The following ZYG11B variants were observed in gnomAD, a reference collection of about 807,000 sequenced individuals.
ZYG11B encodes protein zyg-11 homolog B.
Under a neutral mutation model 82.4 loss-of-function variants are expected in ZYG11B, and 36 were observed. The ratio of observed to expected loss-of-function variants is 0.44; its 90% CI spans 0.33 to 0.58. The LOEUF (loss-of-function observed/expected upper bound fraction) is 0.58, where lower values mean the gene tolerates loss of function less well. ZYG11B is among the 20% of genes least tolerant of loss of function. ZYG11B has a pLI of 0.02. For synonymous variants in ZYG11B, 303 were observed against 312.8 expected, an observed-to-expected ratio of 0.97 and a Z score of 0.33; for missense variants, 552 against 895.6, an observed-to-expected ratio of 0.62 and a Z score of 4.90.
chr1:52,788,959 T>TA (rs1193433188), intron 5 of ZYG11B, among the ~76,000 whole-genome samples: 6 of 152,176 alleles, frequency 3.9e-5, no homozygotes, highest in Admixed American at 3.9e-4. Flanking sequence ...GGAGGAAAGT[T>TA]ATGCCACTAA....
intron 4 of ZYG11B, among the ~76,000 whole-genome samples, chr1:52,783,790 A>G (rs1384105478): frequency 1.7e-5 from 1 of 58,038 alleles, no homozygotes; most frequent in Non-Finnish European, 3.0e-5. Flanking sequence ...GCCCAGCTTT[A>G]TATATATATA....
At chr1:52,746,679 C>CG in intron 1 of ZYG11B, among the ~76,000 whole-genome samples, 1 of 75,894 alleles carries the variant, frequency 1.3e-5, no homozygotes, top group African/African-American at 4.8e-5. Flanking sequence ...AAATAAAGAT[C>CG]GGCCACTGTT....
chr1:52,782,521 TG>T (rs1644865245), intron 4 of ZYG11B, among the ~76,000 whole-genome samples: 1 of 152,120 alleles, frequency 6.6e-6, no homozygotes, highest in South Asian at 2.1e-4. Context: ...CTCGAATGGC[TG>T]GGAGTATAGG....
At chr1:52,797,000 TA>T (rs1645018886) in intron 8 of ZYG11B, among the ~76,000 whole-genome samples, 1 of 57,780 alleles carries the variant, frequency 1.7e-5, no homozygotes, top group Admixed American at 3.4e-4. Flanking sequence ...TTTATATAAA[TA>T]TATTATATAT....
At chr1:52,761,494 A>C (rs1433047643) in intron 2 of ZYG11B, among the ~76,000 whole-genome samples, 2 of 152,202 alleles carry the variant, frequency 1.3e-5, no homozygotes, top group East Asian at 3.9e-4. Flanking sequence ...AGTTTCATTC[A>C]TTTTGCTGTG....
At position 52,821,835 on chromosome 1, in the gene ZYG11B, CCTTT is replaced by C; in HGVS notation, c.*207_*210del. Reference sequence around the variant, plus strand: ...ACTTATGAGTCAAGAAGGGTCTCTTCCTTTATCATTGCCTTTTAGGAAATTTTCC... The same window carrying C: ...ACTTATGAGTCAAGAAGGGTCTCTTCATCATTGCCTTTTAGGAAATTTTCC... On this transcript the variant is annotated 3_prime_UTR_variant, in exon 14 of 14. Coordinates refer to ENST00000294353, the MANE Select transcript of ZYG11B (RefSeq NM_024646.3). 3 of 418,182 alleles carry C rather than the reference CCTTT, an allele frequency of 7.2e-6. No individual in the cohort carries two copies. The South Asian group carries it at 3.1e-4, about 44-fold the overall frequency. The allele number at this position is 418,182 out of a possible 1,614,324, so 25.9% of individuals were successfully genotyped here.
At chr1:52,783,808 A>C (rs1284922863) in intron 4 of ZYG11B, among the ~76,000 whole-genome samples, 1 of 146,604 alleles carries the variant, frequency 6.8e-6, no homozygotes, top group African/African-American at 2.5e-5. Flanking sequence ...ATATATATAC[A>C]CACACACGTA....
At chr1:52,738,037 G>C (rs531120755) in intron 1 of ZYG11B, among the ~76,000 whole-genome samples, 1 of 152,314 alleles carries the variant, frequency 6.6e-6, no homozygotes, top group South Asian at 2.1e-4. Flanking sequence ...CTGATTTTGA[G>C]ATGAATTGCG....
In ZYG11B at chr1:52,814,112, CCAG is replaced by C. The variant is rs763013268; in HGVS notation, c.1946+201_1946+203del. ...CTTGGCTCACTGCAACCTCCACCTC[CCAG>C]GTTGAAGCAATTCCCCTGCCTCAGC... On this transcript the variant is annotated intron_variant, in intron 12 of 13. Transcript: ENST00000294353. Among the ~76,000 whole-genome samples, 194 of 152,198 alleles carry C rather than the reference CCAG, an allele frequency of 1.3e-3. 1 individual carries two copies. Among genetic ancestry groups the C allele is most frequent in the Non-Finnish European group, 2.1e-3 (146 of 67,994 alleles).
intron 4 of ZYG11B, among the ~76,000 whole-genome samples, chr1:52,781,379 G>A (rs1169172466): frequency 2.6e-5 from 4 of 152,080 alleles, no homozygotes; most frequent in African/African-American, 7.2e-5. Flanking sequence ...CGCACCTGTA[G>A]TCCCAGCTAC....
chr1:52,727,157 C>T (rs775076718), intron 1 of ZYG11B, among the ~76,000 whole-genome samples: 3 of 151,936 alleles, frequency 2.0e-5, no homozygotes, highest in Non-Finnish European at 2.9e-5. Flanking sequence ...CCCCTTCGTC[C>T]TCTTCCATCC....
intron 4 of ZYG11B, among the ~76,000 whole-genome samples, chr1:52,783,838 A>ATGTACATACACGTGTGCG (rs1644880181): frequency 2.1e-4 from 21 of 101,774 alleles, no homozygotes; most frequent in East Asian, 1.0e-3. Flanking sequence ...ATACGTGTGT[A>ATGTACATACACGTGTGCG]TATGTACATA....
intron 4 of ZYG11B, among the ~76,000 whole-genome samples, chr1:52,784,453 G>T (rs1164738437): frequency 1.3e-5 from 2 of 152,212 alleles, no homozygotes; most frequent in Non-Finnish European, 2.9e-5. Context: ...AGAAATAGTT[G>T]TCTAGGCCAG....
At chr1:52,757,016 C>T (rs977104526) in intron 2 of ZYG11B, among the ~76,000 whole-genome samples, 2 of 149,268 alleles carry the variant, frequency 1.3e-5, no homozygotes, top group East Asian at 2.0e-4. Context: ...ATGGGGCAAA[C>T]GTTTTTTGAC....
chr1:52,803,309 T>G lies in ZYG11B; in HGVS notation c.1695+1170T>G, dbSNP rs181093824. Among the ~76,000 whole-genome samples, 990 of 137,086 alleles carry G rather than the reference T, an allele frequency of 7.2e-3. 41 individuals carry two copies. Among genetic ancestry groups the G allele is most frequent in the African/African-American group, 0.027 (964 of 35,948 alleles). 89.9% of individuals were successfully genotyped at this position (137,086 alleles called of 152,430 possible). ...ATATATATATATATACACATATATA[T>G]ACATATAATCCCATCTACTTGGGAG... On this transcript the variant is annotated intron_variant, in intron 10 of 13. Transcript: ENST00000294353.
intron 2 of ZYG11B, among the ~76,000 whole-genome samples, chr1:52,769,784 G>T (rs927833624): frequency 1.3e-5 from 2 of 152,112 alleles, no homozygotes; most frequent in African/African-American, 4.8e-5. Flanking sequence ...CTAAGATGCC[G>T]CCTTAGAGTT....
Position 52,776,229 on chromosome 1 carries a change from A to AATATATATAT in ZYG11B, c.952-3617_952-3608dup, listed in dbSNP as rs1293809937. 5.2e-3 allele frequency among the ~76,000 whole-genome samples: 122 copies of AATATATATAT among 23,520 alleles called. 21 individuals are homozygous for AATATATATAT. Among genetic ancestry groups the AATATATATAT allele is most frequent in the Middle Eastern group, 0.033 (1 of 30 alleles). 15.4% of individuals were successfully genotyped at this position (23,520 alleles called of 152,430 possible). On this transcript the variant is annotated intron_variant, in intron 3 of 13. Coordinates refer to ENST00000294353, the MANE Select transcript of ZYG11B (RefSeq NM_024646.3). Reference sequence around the variant, plus strand: ...AGCAAAACTCTGTCTTAAAAAAAAAAATATATATATATATATGCAATAAAG... The same window carrying AATATATATAT: ...AGCAAAACTCTGTCTTAAAAAAAAAAATATATATATATATATATATATATATGCAATAAAG...
chr1:52,765,341 C>A (rs114799407), intron 2 of ZYG11B, among the ~76,000 whole-genome samples: 2,566 of 151,934 alleles, frequency 0.017, 84 homozygotes, highest in African/African-American at 0.058. Flanking sequence ...TAGCTGAGAT[C>A]ACAGGTGCAT....
rs769490236 is a variant in ZYG11B, at chr1:52,822,644, ATCT to A, written c.*1020_*1022del. On this transcript the variant is annotated 3_prime_UTR_variant, in exon 14 of 14. Transcript: ENST00000294353. ...AAAATCTCTTGTTCAAAATATGTGT[ATCT>A]TCTTAATGTGTTCATGTTAGAGAAA... 27 of 152,330 alleles carry A rather than the reference ATCT, an allele frequency of 1.8e-4. No individual in the cohort carries two copies. The highest frequency in any genetic ancestry group is 4.0e-4 in the Non-Finnish European group (27 of 68,006). 9.4% of individuals were successfully genotyped at this position (152,330 alleles called of 1,614,324 possible). A position where few individuals can be genotyped will look rare whatever the true frequency, so the allele number is the denominator to read the frequency against.
Sources: allele counts gnomAD v4.1 joint callset (sites outside exome capture counted in the v4.1 genomes callset), GRCh38; gene constraint gnomAD v4.1.1; transcripts MANE v1.5; gene names NCBI Gene and HGNC (gene_info 2026-07-23, HGNC 2026-07-21).